HECW2: variants seen among roughly 807,000 people sequenced by gnomAD.
HECW2 encodes E3 ubiquitin-protein ligase HECW2.
A neutral mutation model predicts 175.2 loss-of-function variants in HECW2; 61 were observed. The ratio of observed to expected loss-of-function variants is 0.35; its 90% CI spans 0.28 to 0.43. The LOEUF (loss-of-function observed/expected upper bound fraction) is 0.43. Among genes scored for constraint, HECW2 ranks in the 20% least tolerant of loss-of-function variants. HECW2 has a pLI of 1.00. For missense variants in HECW2, 1,524 were observed against 2,000.5 expected, an observed-to-expected ratio of 0.76 and a Z score of 4.54; for synonymous variants, 671 against 731.0, an observed-to-expected ratio of 0.92 and a Z score of 1.32.
chr2:196,364,881 C>T (rs949619664), intron 2 of HECW2, among the ~76,000 whole-genome samples: 1 of 152,134 alleles, frequency 6.6e-6, no homozygotes, highest in Admixed American at 6.5e-5. Context: ...AAGGCATTGG[C>T]ATATGAACCA....
In HECW2 at chr2:196,503,162, GGACTGA is replaced by G. The variant is rs141995790; in HGVS notation, c.-35-69710_-35-69705del. Among the ~76,000 whole-genome samples, 7 of 152,178 alleles carry G rather than the reference GGACTGA, an allele frequency of 4.6e-5. No homozygotes were observed. In the East Asian group the frequency reaches 1.4e-3, roughly 29 times the overall value. On this transcript the variant is annotated intron_variant, in intron 1 of 28. Transcript: ENST00000644978. ...TTAGCTGCTCCTTAGACACCCCTTG[GGACTGA>G]GAGTGTGTATACTGGCTTCTCTGTT... is the stretch of plus-strand genomic sequence containing the variant.
At chr2:196,226,699 T>C (rs1485660204) in intron 22 of HECW2, among the ~76,000 whole-genome samples, 2 of 150,506 alleles carry the variant, frequency 1.3e-5, no homozygotes, top group Non-Finnish European at 1.5e-5. Flanking sequence ...AATTTCTCAA[T>C]ACAAACTCAG....
chr2:196,266,353 GA>G (rs972039955), intron 17 of HECW2, among the ~76,000 whole-genome samples: 253 of 135,082 alleles, frequency 1.9e-3, no homozygotes, highest in Non-Finnish European at 2.3e-3. Flanking sequence ...TGCCTCAAAA[GA>G]AAAAAAAAAA....
chr2:196,531,886 C>G (rs1379071011), intron 1 of HECW2, among the ~76,000 whole-genome samples: 6 of 152,158 alleles, frequency 3.9e-5, no homozygotes, highest in African/African-American at 1.4e-4. Flanking sequence ...CAACAGAAGA[C>G]CCTGTACCCT....
At chr2:196,310,212 C>T (rs1449282043) in intron 10 of HECW2, among the ~76,000 whole-genome samples, 2 of 152,140 alleles carry the variant, frequency 1.3e-5, no homozygotes, top group Non-Finnish European at 2.9e-5. Flanking sequence ...TTTCAATGTG[C>T]AATGGGGAGA....
At chr2:196,545,230 G>A (rs771615394) in intron 1 of HECW2, among the ~76,000 whole-genome samples, 4 of 152,186 alleles carry the variant, frequency 2.6e-5, no homozygotes, top group Non-Finnish European at 5.9e-5. Flanking sequence ...CATCACCCAT[G>A]ATGAGAACTT....
chr2:196,421,263 G>C (rs1274819701), intron 2 of HECW2, among the ~76,000 whole-genome samples: 1 of 152,056 alleles, frequency 6.6e-6, no homozygotes, highest in African/African-American at 2.4e-5. Flanking sequence ...AACTCTACAT[G>C]TACCAATTTT....
intron 1 of HECW2, among the ~76,000 whole-genome samples, chr2:196,475,929 C>T (rs1017751713): frequency 6.6e-6 from 1 of 152,224 alleles, no homozygotes; most frequent in Non-Finnish European, 1.5e-5. Flanking sequence ...CCTTGTTCTG[C>T]CTTGTCTTCA....
intron 1 of HECW2, among the ~76,000 whole-genome samples, chr2:196,501,280 G>A (rs894873908): frequency 2.6e-5 from 4 of 152,094 alleles, no homozygotes; most frequent in African/African-American, 9.7e-5. Context: ...TACAGAAATT[G>A]ACAAAAAGAA....
chr2:196,511,764 G>A (rs1437283633), intron 1 of HECW2, among the ~76,000 whole-genome samples: 1 of 152,122 alleles, frequency 6.6e-6, no homozygotes, highest in Non-Finnish European at 1.5e-5. Flanking sequence ...TAAGGGGCAG[G>A]CAAACAATCA....
At chr2:196,468,415 C>T (rs2125342748) in intron 1 of HECW2, among the ~76,000 whole-genome samples, 1 of 152,322 alleles carries the variant, frequency 6.6e-6, no homozygotes, top group South Asian at 2.1e-4. Context: ...CACCCCTACG[C>T]TTCAGTTACT....
rs1690635975 is a variant in HECW2 at position 196,292,455 on chromosome 2, T to A, written c.3000+110A>T. 3 of 871,080 alleles carry A rather than the reference T, an allele frequency of 3.4e-6. No homozygotes were observed. The South Asian group carries it at 5.2e-5, about 15-fold the overall frequency. 54.0% of individuals were successfully genotyped at this position (871,080 alleles called of 1,614,324 possible). ...TTTCACTTGAACAGAAGGTGGAATG[T>A]TTCACCTCACAAAGAGCCTTGGCCC... is the stretch of plus-strand genomic sequence containing the variant. On this transcript the variant is annotated intron_variant, in intron 14 of 28. Transcript: ENST00000644978.
chr2:196,295,010 G>T (rs1365933837), intron 13 of HECW2, among the ~76,000 whole-genome samples: 1 of 152,176 alleles, frequency 6.6e-6, no homozygotes, highest in Non-Finnish European at 1.5e-5. Context: ...AAAGAAGAAA[G>T]GAAGGGAGGA....
At chr2:196,484,275 A>G (rs1686933165) in intron 1 of HECW2, among the ~76,000 whole-genome samples, 1 of 152,274 alleles carries the variant, frequency 6.6e-6, no homozygotes, top group South Asian at 2.1e-4. Context: ...AAACCTTGCT[A>G]TTGATTCCAC....
intron 5 of HECW2, among the ~76,000 whole-genome samples, chr2:196,326,484 G>A (rs950095595): frequency 5.4e-5 from 8 of 149,434 alleles, no homozygotes; most frequent in African/African-American, 7.4e-5. Flanking sequence ...TCGTTGTGTC[G>A]CCAGGCTGGA....
At chr2:196,469,116 TGTGC>T (rs1215837902) in intron 1 of HECW2, among the ~76,000 whole-genome samples, 43 of 94,312 alleles carry the variant, frequency 4.6e-4, no homozygotes, top group South Asian at 1.4e-3. Flanking sequence ...TGTGTGTGTG[TGTGC>T]GTGTGTGTGT....
At chr2:196,231,072 G>A (rs1030797435) in intron 21 of HECW2, among the ~76,000 whole-genome samples, 7 of 109,898 alleles carry the variant, frequency 6.4e-5, no homozygotes, top group East Asian at 2.9e-4. Context: ...CCAGCCTGGC[G>A]ACAGAGCAGG....
At chr2:196,271,830 T>C (rs1371676908) in intron 16 of HECW2, among the ~76,000 whole-genome samples, 1 of 152,232 alleles carries the variant, frequency 6.6e-6, no homozygotes, top group African/African-American at 2.4e-5. Context: ...AGTTTGGAAC[T>C]AGACTGTGCC....
chr2:196,236,515 T>C (rs1033961667), intron 21 of HECW2, among the ~76,000 whole-genome samples: 4 of 152,206 alleles, frequency 2.6e-5, no homozygotes, highest in African/African-American at 9.7e-5. Context: ...CCATACTTTA[T>C]CTACATTTCC....
Sources: allele counts gnomAD v4.1 joint callset (sites outside exome capture counted in the v4.1 genomes callset), GRCh38; gene constraint gnomAD v4.1.1; transcripts MANE v1.5; gene names NCBI Gene and HGNC (gene_info 2026-07-23, HGNC 2026-07-21).